APP: variants seen among roughly 807,000 people sequenced by gnomAD.
The protein encoded by APP is amyloid-beta precursor protein.
Under a neutral mutation model 101.4 loss-of-function variants are expected in APP, and 31 were observed. The observed-to-expected ratio is 0.31, with a 90% CI of 0.23 to 0.41. The LOEUF (loss-of-function observed/expected upper bound fraction) is 0.41, where lower values mean the gene tolerates loss of function less well. Among genes scored for constraint, APP ranks in the 10% least tolerant of loss-of-function variants. The probability of loss-of-function intolerance (pLI) is 1.00; values close to 1 mark genes in which losing one functional copy is unlikely to be tolerated. For synonymous variants in APP, 366 were observed against 364.4 expected (o/e 1.00, Z -0.05); for missense variants, 839 against 1,003.7 (o/e 0.84, Z 2.22).
In APP at chr21:26,133,762, A is replaced by G. The variant is rs2062841732; in HGVS notation, c.58-21616T>C. On this transcript the variant is annotated intron_variant, in intron 1 of 17. Transcript: ENST00000346798. ...ACTCCAGCCTGGGCGACAGAGCGAG[A>G]CTCTGTCTCAGAAACAAAACAAAAC... is the stretch of plus-strand genomic sequence containing the variant. Among the ~76,000 whole-genome samples, 3 of 152,168 alleles carry G rather than the reference A, an allele frequency of 2.0e-5. No individual in the cohort carries two copies. In the South Asian group the frequency reaches 6.2e-4, roughly 31 times the overall value.
intron 2 of APP, among the ~76,000 whole-genome samples, chr21:26,102,119 G>T (rs1379379034): frequency 8.9e-3 from 1 of 112 alleles, no homozygotes; most frequent in Non-Finnish European, 0.026. Flanking sequence ...CCGGAGTCTC[G>T]CTCTTGTCGC....
intron 13 of APP, among the ~76,000 whole-genome samples, chr21:25,915,752 A>C (rs570147674): frequency 1.3e-5 from 2 of 152,234 alleles, no homozygotes; most frequent in Non-Finnish European, 2.9e-5. Context: ...GAGAAATCTT[A>C]CACTTGTACT....
chr21:26,004,344 A>G (rs1478041597), intron 6 of APP, among the ~76,000 whole-genome samples: 2 of 130,846 alleles, frequency 1.5e-5, no homozygotes, highest in East Asian at 2.2e-4. Context: ...ATGCAGTGGC[A>G]CTATCTCCAC....
At chr21:26,046,196 CAG>C (rs1280580080) in intron 5 of APP, among the ~76,000 whole-genome samples, 1 of 151,466 alleles carries the variant, frequency 6.6e-6, no homozygotes, top group African/African-American at 2.4e-5. Flanking sequence ...CCCCCCAAAC[CAG>C]AGAGTAACAT....
intron 6 of APP, among the ~76,000 whole-genome samples, chr21:26,017,105 G>A (rs1181645881): frequency 1.3e-5 from 2 of 149,126 alleles, no homozygotes; most frequent in African/African-American, 4.9e-5. Context: ...AGGCTGAAGC[G>A]GGAGAATGGT....
chr21:25,949,158 A>G (rs1445829745), intron 13 of APP, among the ~76,000 whole-genome samples: 2 of 152,206 alleles, frequency 1.3e-5, no homozygotes, highest in Non-Finnish European at 2.9e-5. Context: ...TTAAAATTGA[A>G]TGAAAAAAAT....
At chr21:25,986,066 A>G (rs774707510) in intron 8 of APP, among the ~76,000 whole-genome samples, 2 of 152,162 alleles carry the variant, frequency 1.3e-5, no homozygotes, top group Admixed American at 1.3e-4. Flanking sequence ...CTTATATCCT[A>G]AAGAGATTAA....
intron 13 of APP, chr21:25,942,020 T>G (rs1376132369): frequency 2.0e-5 from 3 of 152,210 alleles, no homozygotes; most frequent in African/African-American, 7.2e-5. Context: ...ATGGGCTGGC[T>G]TATGACTTCT....
chr21:25,944,690 G>A (rs1048783895), intron 13 of APP, among the ~76,000 whole-genome samples: 1 of 152,158 alleles, frequency 6.6e-6, no homozygotes, highest in Non-Finnish European at 1.5e-5. Flanking sequence ...ACTCAGGGTG[G>A]CAAACATCAC....
chr21:26,104,299 A>G (rs2146177279), intron 2 of APP, among the ~76,000 whole-genome samples: 1 of 151,968 alleles, frequency 6.6e-6, no homozygotes, highest in East Asian at 1.9e-4. Flanking sequence ...ACAGTCCTCA[A>G]TACATACTTG....
chr21:26,096,757 C>G (rs2061950652), intron 2 of APP, among the ~76,000 whole-genome samples: 1 of 152,052 alleles, frequency 6.6e-6, no homozygotes, highest in Admixed American at 6.6e-5. Flanking sequence ...GTCTGGGCAA[C>G]AGAGTGAGAC....
chr21:25,890,721 T>C (rs1483323394), intron 17 of APP, among the ~76,000 whole-genome samples: 3 of 13,018 alleles, frequency 2.3e-4, no homozygotes, highest in Non-Finnish European at 4.7e-4. Flanking sequence ...CGAGACTGTC[T>C]CAAAAAAAAA....
At chr21:26,103,438 CA>C (rs1414481562) in intron 2 of APP, among the ~76,000 whole-genome samples, 1 of 144,200 alleles carries the variant, frequency 6.9e-6, no homozygotes, top group Non-Finnish European at 1.5e-5. Context: ...CCATCTCTAC[CA>C]AAATACAAAA....
chr21:26,159,013 A>C (rs2063430708), intron 1 of APP, among the ~76,000 whole-genome samples: 1 of 152,252 alleles, frequency 6.6e-6, no homozygotes, highest in Non-Finnish European at 1.5e-5. Flanking sequence ...TGAAACACAG[A>C]ATCCATGCAG....
At chr21:25,941,798 A>G (rs1180336145) in intron 13 of APP, 1 of 152,248 alleles carries the variant, frequency 6.6e-6, no homozygotes, top group African/African-American at 2.4e-5. Flanking sequence ...AATAGCCAGC[A>G]GCAACAGGCC....
intron 6 of APP, among the ~76,000 whole-genome samples, chr21:26,017,945 T>G (rs2044175272): frequency 6.7e-6 from 1 of 148,194 alleles, no homozygotes; most frequent in Non-Finnish European, 1.5e-5. Flanking sequence ...GTGTGCTCAC[T>G]TTTATTTTTA....
At chr21:25,994,132 G>GA (rs1446658974) in intron 8 of APP, among the ~76,000 whole-genome samples, 3 of 151,908 alleles carry the variant, frequency 2.0e-5, no homozygotes, top group East Asian at 1.9e-4. Flanking sequence ...GACAGCACCA[G>GA]AAAAAATGGT....
At chr21:26,031,848 C>T (rs1270699257) in intron 5 of APP, among the ~76,000 whole-genome samples, 1 of 152,172 alleles carries the variant, frequency 6.6e-6, no homozygotes, top group Non-Finnish European at 1.5e-5. Flanking sequence ...TGCAGCAATA[C>T]CTTGTCCTGC....
At chr21:26,049,534 T>C (rs2045748979) in intron 5 of APP, among the ~76,000 whole-genome samples, 1 of 152,130 alleles carries the variant, frequency 6.6e-6, no homozygotes. Context: ...TCTAGTAACA[T>C]TAAGATCCCA....
Sources: allele counts gnomAD v4.1 joint callset (sites outside exome capture counted in the v4.1 genomes callset), GRCh38; gene constraint gnomAD v4.1.1; transcripts MANE v1.5; gene names NCBI Gene and HGNC (gene_info 2026-07-23, HGNC 2026-07-21).